The following KMO variants were observed in gnomAD, a reference collection of about 807,000 sequenced individuals.
KMO encodes kynurenine 3-monooxygenase.
In KMO, 24 loss-of-function variants were observed where a neutral mutation model predicts 57.8. The ratio of observed to expected loss-of-function variants is 0.42; its 90% confidence interval spans 0.30 to 0.58. The LOEUF (loss-of-function observed/expected upper bound fraction) is 0.58. Among genes scored for constraint, KMO ranks in the 20% least tolerant of loss-of-function variants. The pLI, the probability that KMO is intolerant of heterozygous loss-of-function variation, is 0.22. For missense variants in KMO, 483 were observed against 588.2 expected, an observed-to-expected ratio of 0.82 and a Z score of 1.85; for synonymous variants, 210 against 193.6, an observed-to-expected ratio of 1.08 and a Z score of -0.70.
chr1:241,591,753 G>C (rs1663310496), intron 14 of KMO, among the ~76,000 whole-genome samples, 200 bp from the exon 15 acceptor site: 1 of 152,210 alleles, frequency 6.6e-6, no homozygotes, highest in African/African-American at 2.4e-5. Context: ...TTTCCTGGGA[G>C]AGAGGGAGAA....
At chr1:241,543,233 C>T (rs2050516) in intron 1 of KMO, among the ~76,000 whole-genome samples, 44,488 of 151,978 alleles carry the variant, frequency 0.29, 7,608 homozygotes, top group Non-Finnish European at 0.39. Context: ...AAGCATTATG[C>T]CAAGTCTTAT....
chr1:241,592,382 A>C lies in KMO; in HGVS notation c.*229A>C. On this transcript the variant is annotated 3_prime_UTR_variant, in exon 15 of 15. Coordinates refer to ENST00000366559, the MANE Select transcript of KMO (RefSeq NM_003679.5). Reference sequence around the variant, plus strand: ...ACATTACACACACTCAGGTTGAGTCATTCTAACTATAAAAGTGCAATGACT... The same window carrying C: ...ACATTACACACACTCAGGTTGAGTCCTTCTAACTATAAAAGTGCAATGACT... 1 of 528,208 alleles carries C rather than the reference A, an allele frequency of 1.9e-6. No homozygotes were observed. The allele number at this position is 528,208 out of a possible 1,614,324, so 32.7% of individuals were successfully genotyped here.
intron 14 of KMO, among the ~76,000 whole-genome samples, chr1:241,591,719 A>G (rs1255887546): frequency 6.6e-6 from 1 of 152,200 alleles, no homozygotes; most frequent in Non-Finnish European, 1.5e-5. Flanking sequence ...AATTTTTTTC[A>G]TACAGAAGAC....
At chr1:241,540,109 A>T (rs187967450) in intron 1 of KMO, among the ~76,000 whole-genome samples, 1 of 152,338 alleles carries the variant, frequency 6.6e-6, no homozygotes, top group East Asian at 1.9e-4. Flanking sequence ...TTGAAAAGAA[A>T]TATCATGTAT....
rs1392286095 is a variant in KMO, at chr1:241,566,561, T to C, written c.758T>C (p.Val253Ala). The change falls in exon 9 of 15, where the codon GTG becomes GCG. Residue 253 changes from valine (V) to alanine (A), a missense_variant. This residue lies in a region of KMO where 410 missense variants were observed against 492.3 expected (regional missense o/e 0.83). Coordinates refer to ENST00000366559, the MANE Select transcript of KMO (RefSeq NM_003679.5). ...GAAAAACTTCTAACCAGTAATGATG[T>C]GGTAGATTTCTTCCAGAAATACTTT... The part of the protein sequence containing the change: ...EFEKLLTSND[V>A]VDFFQKYFPD... 1 of 1,613,532 alleles carries C rather than the reference T, an allele frequency of 6.2e-7. No individual in the cohort carries two copies. The highest frequency in any genetic ancestry group is 1.1e-5 in the South Asian group (1 of 91,050).
At position 241,568,622 on chromosome 1, in the gene KMO, C is replaced by T. The variant is rs776522282; in HGVS notation, c.932C>T (p.Pro311Leu). 9.9e-6 allele frequency: 16 copies of T among 1,613,592 alleles called. No homozygotes were observed. Among genetic ancestry groups the T allele is most frequent in the East Asian group, 4.5e-5 (2 of 44,836 alleles). Residue 311 changes from proline to leucine, a missense_variant, in exon 10 of 15, where the codon CCG becomes CTG. Coordinates refer to ENST00000366559, the MANE Select transcript of KMO (RefSeq NM_003679.5). ...GGAGATGCAGCTCATGCTATAGTGCCGTTTTTTGGGCAAGGAATGAATGCG... is the reference window on the plus strand; with the variant it reads ...GGAGATGCAGCTCATGCTATAGTGCTGTTTTTTGGGCAAGGAATGAATGCG... ...LLGDAAHAIVPFFGQGMNAGF... is the reference protein window; with the variant it reads ...LLGDAAHAIVLFFGQGMNAGF...
chr1:241,577,652 T>A (rs563489829), intron 10 of KMO, among the ~76,000 whole-genome samples: 2 of 152,284 alleles, frequency 1.3e-5, no homozygotes, highest in South Asian at 4.1e-4. Flanking sequence ...TCATCTCGTT[T>A]CCCATGATGT....
chr1:241,548,464 T>A (rs1277133290), intron 1 of KMO, among the ~76,000 whole-genome samples: 1 of 152,258 alleles, frequency 6.6e-6, no homozygotes, highest in East Asian at 1.9e-4. Flanking sequence ...GCTATTCTAC[T>A]TTTTGACCAA....
chr1:241,593,989 A>G lies in KMO; in HGVS notation c.*1836A>G. The G allele has an allele frequency of 6.2e-6, 1 of 161,938 alleles. No homozygotes were observed. Among genetic ancestry groups the G allele is most frequent in the Non-Finnish European group, 1.4e-5 (1 of 73,920 alleles). The allele number at this position is 161,938 out of a possible 1,614,324, so 10.0% of individuals were successfully genotyped here. On this transcript the variant is annotated 3_prime_UTR_variant, in exon 15 of 15. Coordinates refer to ENST00000366559, the MANE Select transcript of KMO (RefSeq NM_003679.5). ...TCTCCTTGATAACTTGATCAGATAT[A>G]GGACATGACACTGAATAGAGTCCAA...
At position 241,592,783 on chromosome 1, in the gene KMO, T is replaced by TATCTATCTATCTATCTA; in HGVS notation, c.*646_*647insAATCTATCTATCTATCT. The TATCTATCTATCTATCTA allele has an allele frequency of 8.3e-6, 1 of 119,814 alleles. No homozygotes were observed. Among genetic ancestry groups the TATCTATCTATCTATCTA allele is most frequent in the Non-Finnish European group, 2.0e-5 (1 of 49,666 alleles). The allele number at this position is 119,814 out of a possible 1,614,324, so 7.4% of individuals were successfully genotyped here. ...CTATCTATCTATCTATCTATCTATCTATCTATCTATCTATCTCTATTTATT... is the reference window on the plus strand; with the variant it reads ...CTATCTATCTATCTATCTATCTATCTATCTATCTATCTATCTAATCTATCTATCTATCTCTATTTATT... On this transcript the variant is annotated 3_prime_UTR_variant, in exon 15 of 15. Transcript: ENST00000366559.
At chr1:241,552,909 T>C (rs1337642570) in intron 4 of KMO, among the ~76,000 whole-genome samples, 5 of 152,188 alleles carry the variant, frequency 3.3e-5, no homozygotes, top group Non-Finnish European at 7.3e-5. Context: ...TATTCTCTAA[T>C]ATACAGAGCA....
Position 241,586,230 on chromosome 1 carries a change from G to A in KMO, c.958-449G>A, listed in dbSNP as rs1054510669. On this transcript the variant is annotated intron_variant, in intron 10 of 14. Transcript: ENST00000366559. ...TTTTTTTTTTTTGAGACAGGGTCTC[G>A]CTCTGTCACCCAGGCTGGAGTGCAG... 5.0e-5 allele frequency among the ~76,000 whole-genome samples: 6 copies of A among 119,292 alleles called. No homozygotes were observed. The East Asian group carries it at 7.6e-4, about 15-fold the overall frequency. 78.3% of individuals were successfully genotyped at this position (119,292 alleles called of 152,430 possible).
Position 241,595,293 on chromosome 1 carries a change from TCTC to T in KMO, c.*3144_*3146del, listed in dbSNP as rs1307684050. 1 of 152,246 alleles carries T rather than the reference TCTC, an allele frequency of 6.6e-6. No individual in the cohort carries two copies. Among genetic ancestry groups the T allele is most frequent in the East Asian group, 1.9e-4 (1 of 5,198 alleles). The allele number at this position is 152,246 out of a possible 1,614,324, so 9.4% of individuals were successfully genotyped here. Reference sequence around the variant, plus strand: ...AATATTTCTTGGCCTCCTTTCCGCTTCTCCTCTCTGCTGTTCCTCTCTACAAGA... The same window carrying T: ...AATATTTCTTGGCCTCCTTTCCGCTTCTCTCTGCTGTTCCTCTCTACAAGA... On this transcript the variant is annotated 3_prime_UTR_variant, in exon 15 of 15. Coordinates refer to ENST00000366559, the MANE Select transcript of KMO (RefSeq NM_003679.5).
intron 10 of KMO, among the ~76,000 whole-genome samples, chr1:241,573,453 A>G (rs1416167957): frequency 6.6e-6 from 1 of 152,164 alleles, no homozygotes; most frequent in Non-Finnish European, 1.5e-5. Context: ...ATTTTTGTGT[A>G]AAGTGAGAGA....
intron 12 of KMO, 40 bp downstream of exon 12, chr1:241,588,870 A>G: frequency 1.5e-6 from 2 of 1,378,306 alleles, no homozygotes; most frequent in Non-Finnish European, 2.1e-6. Context: ...GAGATGGTTC[A>G]CTGATATTCT....
intron 1 of KMO, among the ~76,000 whole-genome samples, chr1:241,533,569 T>A (rs1350692609): frequency 6.6e-6 from 1 of 152,198 alleles, no homozygotes; most frequent in Non-Finnish European, 1.5e-5. Context: ...CGTCACTGCT[T>A]CATACTAGGC....
In KMO at chr1:241,588,849, C is replaced by G; in HGVS notation, c.1098+19C>G. On this transcript the variant is annotated intron_variant, in intron 12 of 14. Coordinates refer to ENST00000366559, the MANE Select transcript of KMO (RefSeq NM_003679.5). Reference sequence around the variant, plus strand: ...CATAGAGGTGAGTGAGAAGGTTTGGCTTTATTCCATGAGATGGTTCACTGA... The same window carrying G: ...CATAGAGGTGAGTGAGAAGGTTTGGGTTTATTCCATGAGATGGTTCACTGA... The G allele has an allele frequency of 6.4e-7, 1 of 1,571,006 alleles. No homozygotes were observed. The highest frequency in any genetic ancestry group is 8.8e-7 in the Non-Finnish European group (1 of 1,141,710).
chr1:241,591,969 T>A lies in KMO; in HGVS notation c.1277T>A (p.Leu426His). The change falls in exon 15 of 15, where the codon CTC becomes CAC. Residue 426 changes from leucine (L) to histidine (H), a missense_variant. Around this residue, in one of 3 missense-constraint regions of KMO, gnomAD observed 410 missense variants for 492.3 expected, o/e 0.83. Transcript: ENST00000366559. ...HWQKKVINKG[L>H]FFLGSLIAIS... ...GTCTTACAGGTGATAAACAAAGGACTCTTTTTCTTGGGATCACTGATAGCC... is the reference window on the plus strand; with the variant it reads ...GTCTTACAGGTGATAAACAAAGGACACTTTTTCTTGGGATCACTGATAGCC... The A allele has an allele frequency of 6.2e-7, 1 of 1,613,706 alleles. No individual in the cohort carries two copies. The highest frequency in any genetic ancestry group is 8.5e-7 in the Non-Finnish European group (1 of 1,179,616).
chr1:241,565,935 T>C (rs1432228898), intron 8 of KMO, among the ~76,000 whole-genome samples: 4 of 151,824 alleles, frequency 2.6e-5, no homozygotes, highest in African/African-American at 9.7e-5. Flanking sequence ...CTGGGCGTGG[T>C]GGCTCATGCC....
Sources: allele counts gnomAD v4.1 joint callset (sites outside exome capture counted in the v4.1 genomes callset), GRCh38; gene constraint gnomAD v4.1.1; regional missense constraint gnomAD v4.1.1; transcripts MANE v1.5; gene names NCBI Gene and HGNC (gene_info 2026-07-23, HGNC 2026-07-21).